Variants in NRG2 observed in about 807,000 individuals in gnomAD.
NRG2 encodes the protein pro-neuregulin-2, membrane-bound isoform.
In NRG2, 27 loss-of-function variants were observed where a neutral mutation model predicts 73.9. The observed-to-expected ratio is 0.37, with a 90% CI of 0.27 to 0.50. The LOEUF is 0.50. Ranked by LOEUF, NRG2 falls within the 20% of genes least tolerant of loss-of-function variation. The pLI is 0.96. For synonymous variants in NRG2, 532 were observed against 541.0 expected (o/e 0.98, Z 0.23); for missense variants, 1,126 against 1,210.1 (o/e 0.93, Z 1.03).
At chr5:139,855,804 G>T in intron 5 of NRG2, 26 bp from the exon 6 acceptor site, 1 of 1,586,034 alleles carries the variant, frequency 6.3e-7, no homozygotes, top group Non-Finnish European at 8.7e-7. Context: ...AGATGTGAGG[G>T]GTGGGGCAGG....
chr5:139,894,105 G>A lies in NRG2; in HGVS notation c.701-6594C>T, dbSNP rs1351356368. ...CAGCTTAACCTCATTCCTCTCGGCA[G>A]TGGGCGGTGGGTGCGGAGCCTACTC... On this transcript the variant is annotated intron_variant, in intron 1 of 9. Transcript: ENST00000361474. The surrounding 1 kb of genome is among the most constrained non-coding windows in gnomAD (Gnocchi z 5.0). Among the ~76,000 whole-genome samples the A allele has an allele frequency of 1.3e-5, 2 of 152,234 alleles. No homozygotes were observed. Among genetic ancestry groups the A allele is most frequent in the African/African-American group, 4.8e-5 (2 of 41,462 alleles).
At chr5:140,024,713 C>G (rs1760540313) in intron 1 of NRG2, among the ~76,000 whole-genome samples, 1 of 152,146 alleles carries the variant, frequency 6.6e-6, no homozygotes. Context: ...ATTGCCCTAA[C>G]CCCTCCCATC....
At chr5:139,873,606 G>A (rs541675356) in intron 3 of NRG2, among the ~76,000 whole-genome samples, 3 of 152,366 alleles carry the variant, frequency 2.0e-5, no homozygotes, top group African/African-American at 4.8e-5. Flanking sequence ...AAAAGCAGAC[G>A]AATGCAAGCG....
At position 139,848,235 on chromosome 5, in the gene NRG2, G is replaced by C; in HGVS notation, c.2235C>G (p.Arg745=). 1 of 1,156,762 alleles carries C rather than the reference G, an allele frequency of 8.6e-7. No homozygotes were observed. Among genetic ancestry groups the C allele is most frequent in the Non-Finnish European group, 1.1e-6 (1 of 941,620 alleles). The allele number at this position is 1,156,762 out of a possible 1,614,324, so 71.7% of individuals were successfully genotyped here. A position where few individuals can be genotyped will look rare whatever the true frequency, so the allele number is the denominator to read the frequency against. The change falls in exon 10 of 10, where the codon CGC becomes CGG. Residue 745 remains arginine (R), a synonymous_variant. Transcript: ENST00000361474. ...RTSAGPRRWR[R]SRLNGLAAQR... ...GCGCCGCCAGCCCGTTGAGGCGCGA[G>C]CGGCGCCAGCGCCGGGGCCCCGCCG...
intron 1 of NRG2, among the ~76,000 whole-genome samples, chr5:140,011,540 C>G (rs1430186809): frequency 4.6e-5 from 7 of 152,130 alleles, no homozygotes; most frequent in Non-Finnish European, 1.0e-4. Context: ...TCTCTCTCTC[C>G]CTCACCTGCT....
rs1764391856 is a variant in NRG2, at chr5:139,894,021, C to T, written c.701-6510G>A. Among the ~76,000 whole-genome samples the T allele has an allele frequency of 6.6e-6, 1 of 152,214 alleles. No individual in the cohort carries two copies. Among genetic ancestry groups the T allele is most frequent in the Admixed American group, 6.5e-5 (1 of 15,290 alleles). ...AAGATAGCGACAACAGCAACAACAACCAGGACTGCTCTCTTCCCACATCCC... is the reference window on the plus strand; with the variant it reads ...AAGATAGCGACAACAGCAACAACAATCAGGACTGCTCTCTTCCCACATCCC... On this transcript the variant is annotated intron_variant, in intron 1 of 9. Coordinates refer to ENST00000361474, the MANE Select transcript of NRG2 (RefSeq NM_004883.3). The surrounding 1 kb of genome is among the most constrained non-coding windows in gnomAD (Gnocchi z 5.0).
At chr5:139,922,322 C>A (rs183467033) in intron 1 of NRG2, among the ~76,000 whole-genome samples, 1 of 152,096 alleles carries the variant, frequency 6.6e-6, no homozygotes. Context: ...AGAAAATATA[C>A]AGATGGCAAA....
intron 1 of NRG2, among the ~76,000 whole-genome samples, chr5:139,950,107 T>C (rs1046273673): frequency 6.6e-6 from 1 of 152,204 alleles, no homozygotes; most frequent in Non-Finnish European, 1.5e-5. Context: ...AGAAAGAGAA[T>C]TGTAGGCTCC....
At chr5:139,874,207 C>T (rs188944684) in intron 3 of NRG2, among the ~76,000 whole-genome samples, 81 of 152,336 alleles carry the variant, frequency 5.3e-4, no homozygotes, top group African/African-American at 1.6e-3. Flanking sequence ...CCTGAGGCAA[C>T]GTGTCTATAC....
chr5:139,920,461 G>T (rs1580735072), intron 1 of NRG2, among the ~76,000 whole-genome samples: 1 of 152,028 alleles, frequency 6.6e-6, no homozygotes, highest in Non-Finnish European at 1.5e-5. Flanking sequence ...GGTCAGAGAA[G>T]ACTTCCCAGT....
chr5:139,959,404 T>C (rs536292410), intron 1 of NRG2, among the ~76,000 whole-genome samples: 1 of 151,880 alleles, frequency 6.6e-6, no homozygotes, highest in African/African-American at 2.4e-5. Context: ...GAGATGGAGT[T>C]TTATTCTTCC....
chr5:139,968,306 C>T (rs1755703836), intron 1 of NRG2, among the ~76,000 whole-genome samples: 1 of 152,216 alleles, frequency 6.6e-6, no homozygotes, highest in South Asian at 2.1e-4. Flanking sequence ...GAACGGGCCT[C>T]CGTGGTGGGC....
In NRG2 at chr5:139,847,920, G is replaced by T. The variant is rs1235139857; in HGVS notation, c.2550C>A (p.Leu850=). ...CGGAGGGGCGCGCGGCGGGGCCCTA[G>T]AGTGGCGCCGAGTCCTGCTTGGCCC... The part of the protein sequence containing the change: ...PPRAKQDSAP[L] Residue 850 remains leucine (L), a synonymous_variant, in exon 10 of 10, where the codon CTC becomes CTA. Coordinates refer to ENST00000361474, the MANE Select transcript of NRG2 (RefSeq NM_004883.3). The T allele has an allele frequency of 4.5e-5, 67 of 1,484,928 alleles. No individual in the cohort carries two copies. The highest frequency in any genetic ancestry group is 2.8e-4 in the Admixed American group (12 of 43,488). 92.0% of individuals were successfully genotyped at this position (1,484,928 alleles called of 1,614,324 possible). A position where few individuals can be genotyped will look rare whatever the true frequency, so the allele number is the denominator to read the frequency against.
rs555372094 is a variant in NRG2 at position 139,884,901 on chromosome 5, G to A, written c.872+2439C>T. Among the ~76,000 whole-genome samples the A allele has an allele frequency of 2.0e-5, 3 of 152,292 alleles. 1 individual carries two copies. The highest frequency in any genetic ancestry group is 2.9e-5 in the Non-Finnish European group (2 of 68,028). ...GAGGCAGGGAGGCCAGATAAGAAATGTGCAGGAGGAGGGAAAGAGGCACGA... is the reference window on the plus strand; with the variant it reads ...GAGGCAGGGAGGCCAGATAAGAAATATGCAGGAGGAGGGAAAGAGGCACGA... On this transcript the variant is annotated intron_variant, in intron 2 of 9. Coordinates refer to ENST00000361474, the MANE Select transcript of NRG2 (RefSeq NM_004883.3).
intron 1 of NRG2, among the ~76,000 whole-genome samples, chr5:140,011,867 A>G (rs1174270907): frequency 6.6e-6 from 1 of 152,260 alleles, no homozygotes; most frequent in Non-Finnish European, 1.5e-5. Context: ...ATAACTAATA[A>G]GAGGACCCAA....
intron 1 of NRG2, among the ~76,000 whole-genome samples, chr5:139,931,193 A>G (rs1752443352): frequency 6.6e-6 from 1 of 152,234 alleles, no homozygotes; most frequent in African/African-American, 2.4e-5. Flanking sequence ...AAGACCTGTC[A>G]TACAGAGGGA....
chr5:139,966,942 A>C (rs1274943857), intron 1 of NRG2, among the ~76,000 whole-genome samples: 1 of 152,196 alleles, frequency 6.6e-6, no homozygotes, highest in Non-Finnish European at 1.5e-5. Context: ...TGCTCAAAAA[A>C]AGGCCTGGGA....
At chr5:139,979,168 T>C (rs1320880385) in intron 1 of NRG2, among the ~76,000 whole-genome samples, 2 of 151,928 alleles carry the variant, frequency 1.3e-5, no homozygotes, top group African/African-American at 2.4e-5. Context: ...CACACCAACA[T>C]GGCACATATA....
chr5:139,919,148 C>T (rs991858539), intron 1 of NRG2, among the ~76,000 whole-genome samples: 1 of 152,078 alleles, frequency 6.6e-6, no homozygotes, highest in Non-Finnish European at 1.5e-5. Flanking sequence ...AAGCAGGCAA[C>T]GCTGGGAGTT....
Sources: gnomAD v4.1 joint callset for allele counts (sites outside exome capture counted in the v4.1 genomes callset) on GRCh38, gnomAD v4.1.1 for gene constraint, Gnocchi (gnomAD v3.1) non-coding constraint, MANE v1.5 for transcripts, NCBI Gene and HGNC (gene_info 2026-07-23, HGNC 2026-07-21) for gene names.